Variants in PTTG1IP observed in about 807,000 individuals in gnomAD.
PTTG1IP encodes PTTG1 interacting protein, also known as pituitary tumor-transforming gene 1 protein-interacting protein.
PTTG1IP carries 16 observed loss-of-function variants against 24.4 expected under a neutral mutation model. The observed-to-expected ratio is 0.66, with a 90% CI of 0.44 to 1.00. The LOEUF (loss-of-function observed/expected upper bound fraction) is 1.00. Among genes scored for constraint, PTTG1IP ranks in the 50% least tolerant of loss-of-function variants. The probability of loss-of-function intolerance (pLI) is 0.00; values close to 1 mark genes in which losing one functional copy is unlikely to be tolerated. For synonymous variants in PTTG1IP, 89 were observed against 96.8 expected (o/e 0.92, Z 0.47); for missense variants, 241 against 245.8 (o/e 0.98, Z 0.13).
At position 44,856,320 on chromosome 21, in the gene PTTG1IP, T is replaced by A. The variant is rs1369311357; in HGVS notation, c.322A>T (p.Thr108Ser). Residue 108 changes from threonine to serine, a missense_variant, in exon 4 of 6, where the codon ACC becomes TCC. Coordinates refer to ENST00000330938, the MANE Select transcript of PTTG1IP (RefSeq NM_004339.4). Reference sequence around the variant, plus strand: ...CAGATGGCAATGCCCAGGAGGAGGGTTCCCCCGACTACCGACATGGTGATG... The same window carrying A: ...CAGATGGCAATGCCCAGGAGGAGGGATCCCCCGACTACCGACATGGTGATG... Reference protein sequence around the residue: ...LIITMSVVGGTLLLGIAICCC... With the variant: ...LIITMSVVGGSLLLGIAICCC... 1 of 1,613,744 alleles carries A rather than the reference T, an allele frequency of 6.2e-7. No homozygotes were observed. The highest frequency in any genetic ancestry group is 8.5e-7 in the Non-Finnish European group (1 of 1,179,940).
At chr21:44,868,596 C>G (rs1569327422) in intron 1 of PTTG1IP, among the ~76,000 whole-genome samples, 1 of 152,090 alleles carries the variant, frequency 6.6e-6, no homozygotes, top group Non-Finnish European at 1.5e-5. Context: ...GTCTTTCTGG[C>G]CATATCTGGG....
chr21:44,854,314 C>T (rs1051308052), intron 5 of PTTG1IP, among the ~76,000 whole-genome samples: 1 of 152,242 alleles, frequency 6.6e-6, no homozygotes, highest in Non-Finnish European at 1.5e-5. Context: ...TAGGTTTAGC[C>T]TTTAATATAC....
intron 5 of PTTG1IP, among the ~76,000 whole-genome samples, chr21:44,852,775 G>A (rs1443409863): frequency 3.9e-5 from 6 of 152,070 alleles, no homozygotes; most frequent in Non-Finnish European, 4.4e-5. Flanking sequence ...CAGTTTAGAG[G>A]GAAAACCAAA....
At chr21:44,868,413 C>T (rs569479038) in intron 1 of PTTG1IP, among the ~76,000 whole-genome samples, 1 of 152,264 alleles carries the variant, frequency 6.6e-6, no homozygotes, top group South Asian at 2.1e-4. Flanking sequence ...GTGCCCAGGT[C>T]GTGGTTTCTA....
chr21:44,862,196 C>T (rs1018121891), intron 2 of PTTG1IP, among the ~76,000 whole-genome samples: 3 of 152,162 alleles, frequency 2.0e-5, no homozygotes, highest in Admixed American at 6.5e-5. Context: ...CAGCCTAGCA[C>T]GCAGGCAGAT....
intron 1 of PTTG1IP, among the ~76,000 whole-genome samples, chr21:44,872,096 A>AC (rs1336528108): frequency 1.3e-5 from 2 of 151,238 alleles, no homozygotes; most frequent in African/African-American, 4.9e-5. Flanking sequence ...AAGCAAACAC[A>AC]CCCCCGAGCC....
At chr21:44,860,780 C>T (rs1379545712) in intron 3 of PTTG1IP, among the ~76,000 whole-genome samples, 6 of 152,128 alleles carry the variant, frequency 3.9e-5, no homozygotes, top group Non-Finnish European at 5.9e-5. Flanking sequence ...CATTTTCTAG[C>T]AACTTCTGCT....
chr21:44,865,303 C>A, intron 2 of PTTG1IP, 92 bp downstream of exon 2: 1 of 1,315,256 alleles, frequency 7.6e-7, no homozygotes, highest in African/African-American at 1.5e-5. Flanking sequence ...GAGCCCTCCA[C>A]ACATCCCAGC....
At position 44,851,020 on chromosome 21, in the gene PTTG1IP, C is replaced by T. The variant is rs986895131; in HGVS notation, c.*561G>A. 9 of 211,104 alleles carry T rather than the reference C, an allele frequency of 4.3e-5. No individual in the cohort carries two copies. The highest frequency in any genetic ancestry group is 1.0e-4 in the East Asian group (1 of 9,900). The allele number at this position is 211,104 out of a possible 1,614,324, so 13.1% of individuals were successfully genotyped here. A position where few individuals can be genotyped will look rare whatever the true frequency, so the allele number is the denominator to read the frequency against. On this transcript the variant is annotated 3_prime_UTR_variant, in exon 6 of 6. Transcript: ENST00000330938. ...CTATTTAATACAATTGAGGTTAGGA[C>T]GTTAAGTCCTTATCAGACTGTGTAC... is the stretch of plus-strand genomic sequence containing the variant.
intron 5 of PTTG1IP, among the ~76,000 whole-genome samples, chr21:44,852,163 C>T (rs1253334446): frequency 1.3e-5 from 2 of 152,074 alleles, no homozygotes; most frequent in Non-Finnish European, 2.9e-5. Context: ...CACACACATA[C>T]ACACACTCTC....
intron 5 of PTTG1IP, among the ~76,000 whole-genome samples, chr21:44,854,751 C>G (rs796589395): frequency 2.1e-4 from 32 of 152,326 alleles, no homozygotes; most frequent in African/African-American, 7.7e-4. Flanking sequence ...AACAGAACGC[C>G]GAGGCTGGGC....
At chr21:44,861,120 G>A (rs1037270613) in intron 3 of PTTG1IP, 43 bp downstream of exon 3, 2 of 1,552,162 alleles carry the variant, frequency 1.3e-6, no homozygotes, top group African/African-American at 2.7e-5. Context: ...TATTTTCAAA[G>A]AAGCATCGAT....
chr21:44,873,656 C>T lies in PTTG1IP; in HGVS notation c.-40G>A. The T allele has an allele frequency of 1.5e-6, 2 of 1,336,804 alleles. No individual in the cohort carries two copies. Among genetic ancestry groups the T allele is most frequent in the Non-Finnish European group, 1.9e-6 (2 of 1,040,642 alleles). 82.8% of individuals were successfully genotyped at this position (1,336,804 alleles called of 1,614,324 possible). ...TCTATCAGTCAGTGGAGCGTTACAACTCCGACTCCAGCACAAGCGGTCTCC... is the reference window on the plus strand; with the variant it reads ...TCTATCAGTCAGTGGAGCGTTACAATTCCGACTCCAGCACAAGCGGTCTCC... On this transcript the variant is annotated 5_prime_UTR_variant, in exon 1 of 6. Coordinates refer to ENST00000330938, the MANE Select transcript of PTTG1IP (RefSeq NM_004339.4).
At chr21:44,865,891 C>A in intron 1 of PTTG1IP, 1 of 253,758 alleles carries the variant, frequency 3.9e-6, no homozygotes, top group Non-Finnish European at 7.8e-6. Flanking sequence ...CACTGCCACG[C>A]AGCACACTTG....
At position 44,849,845 on chromosome 21, in the gene PTTG1IP, A is replaced by T. The variant is rs1312495666; in HGVS notation, c.*1736T>A. On this transcript the variant is annotated 3_prime_UTR_variant, in exon 6 of 6. Coordinates refer to ENST00000330938, the MANE Select transcript of PTTG1IP (RefSeq NM_004339.4). ...AGGAAGCGGATTTTGCACACACACT[A>T]CTGCATTCATACAGAGTTCACTGAA... 1 of 152,240 alleles carries T rather than the reference A, an allele frequency of 6.6e-6. No individual in the cohort carries two copies. The highest frequency in any genetic ancestry group is 1.5e-5 in the Non-Finnish European group (1 of 68,032). 9.4% of individuals were successfully genotyped at this position (152,240 alleles called of 1,614,324 possible).
rs35473745 is a variant in PTTG1IP at position 44,866,209 on chromosome 21, A to AACACACACACACAC, written c.116-776_116-763dup. 9.3e-4 allele frequency among the ~76,000 whole-genome samples: 116 copies of AACACACACACACAC among 124,496 alleles called. 1 individual carries two copies. Among genetic ancestry groups the AACACACACACACAC allele is most frequent in the South Asian group, 7.5e-3 (28 of 3,710 alleles). 81.7% of individuals were successfully genotyped at this position (124,496 alleles called of 152,430 possible). ...TGACTGCCTACTCCCCCAATCCTGT[A>AACACACACACACAC]ACACACACACACACACACACACAGC... On this transcript the variant is annotated intron_variant, in intron 1 of 5. Coordinates refer to ENST00000330938, the MANE Select transcript of PTTG1IP (RefSeq NM_004339.4).
chr21:44,863,698 G>T (rs1464574211), intron 2 of PTTG1IP, among the ~76,000 whole-genome samples: 1 of 152,212 alleles, frequency 6.6e-6, no homozygotes, highest in Admixed American at 6.5e-5. Context: ...GAAAAATCCA[G>T]AGACTAAAAA....
At chr21:44,870,797 T>A (rs867546900) in intron 1 of PTTG1IP, among the ~76,000 whole-genome samples, 1 of 152,206 alleles carries the variant, frequency 6.6e-6, no homozygotes, top group Non-Finnish European at 1.5e-5. Context: ...CTCATTTGTT[T>A]CCGAAATTAA....
At chr21:44,866,208 T>TC in intron 1 of PTTG1IP, among the ~76,000 whole-genome samples, 1 of 94,864 alleles carries the variant, frequency 1.1e-5, no homozygotes, top group Non-Finnish European at 2.1e-5. Context: ...CCCAATCCTG[T>TC]AACACACACA....
Sources: gnomAD v4.1 joint callset for allele counts (sites outside exome capture counted in the v4.1 genomes callset) on GRCh38, gnomAD v4.1.1 for gene constraint, MANE v1.5 for transcripts, NCBI Gene and HGNC (gene_info 2026-07-23, HGNC 2026-07-21) for gene names.